The following OPRM1 variants were observed in gnomAD, a reference collection of about 807,000 sequenced individuals.
OPRM1 encodes mu-type opioid receptor.
Under a neutral mutation model 31.8 loss-of-function variants are expected in OPRM1, and 27 were observed. The observed-to-expected ratio is 0.85, with a 90% confidence interval of 0.63 to 1.17. The LOEUF (loss-of-function observed/expected upper bound fraction) is 1.17. OPRM1 is among the 50% of genes most tolerant of loss of function. OPRM1 has a pLI of 0.00. For missense variants in OPRM1, 536 were observed against 511.1 expected (o/e 1.05, Z -0.47); for synonymous variants, 196 against 189.9 (o/e 1.03, Z -0.26).
rs200371383 is a variant in OPRM1, at chr6:154,118,889, A to G, written c.*168A>G. ...CCACTCTGCTCTGCACATTAGAGGG[A>G]CAGCCAAAAGTAAGTGGAGCATTTG... On this transcript the variant is annotated 3_prime_UTR_variant, in exon 4 of 4. Transcript: ENST00000330432. 1 of 1,439,750 alleles carries G rather than the reference A, an allele frequency of 6.9e-7. No homozygotes were observed. Among genetic ancestry groups the G allele is most frequent in the African/African-American group, 1.4e-5 (1 of 70,452 alleles). The allele number at this position is 1,439,750 out of a possible 1,614,324, so 89.2% of individuals were successfully genotyped here. A position where few individuals can be genotyped will look rare whatever the true frequency, so the allele number is the denominator to read the frequency against.
intron 1 of OPRM1, among the ~76,000 whole-genome samples, chr6:154,029,761 A>G (rs1306041966): frequency 1.3e-5 from 2 of 152,176 alleles, no homozygotes; most frequent in African/African-American, 4.8e-5. Flanking sequence ...AGTTACCTCC[A>G]TGCTGTTCTC....
chr6:154,056,151 G>A (rs1419846778), intron 1 of OPRM1, among the ~76,000 whole-genome samples: 1 of 151,634 alleles, frequency 6.6e-6, no homozygotes, highest in Non-Finnish European at 1.5e-5. Flanking sequence ...TTGAGACGGA[G>A]TCTTGCTCTG....
At chr6:154,221,365 G>T (rs1424883207) in intron 3 of OPRM1, 10 of 1,535,966 alleles carry the variant, frequency 6.5e-6, no homozygotes, top group Non-Finnish European at 8.1e-6. Context: ...TAAAAAATTA[G>T]TGTTTATAGT....
At chr6:154,234,379 C>T (rs780798800) in intron 3 of OPRM1, among the ~76,000 whole-genome samples, 2 of 152,198 alleles carry the variant, frequency 1.3e-5, no homozygotes, top group African/African-American at 4.8e-5. Context: ...CCCTCTCTCA[C>T]TTCCCTATTG....
At chr6:154,148,320 A>T (rs1355645279) in intron 3 of OPRM1, among the ~76,000 whole-genome samples, 2 of 152,342 alleles carry the variant, frequency 1.3e-5, no homozygotes, top group Non-Finnish European at 2.9e-5. Context: ...CAAGCTAATC[A>T]AGTTGCCAAC....
intron 1 of OPRM1, among the ~76,000 whole-genome samples, chr6:154,070,255 A>C (rs1169383043): frequency 6.6e-6 from 1 of 152,244 alleles, no homozygotes; most frequent in Non-Finnish European, 1.5e-5. Flanking sequence ...ACTGTTAGCC[A>C]GGTAAGAGCA....
intron 1 of OPRM1, among the ~76,000 whole-genome samples, chr6:154,054,360 T>A (rs1371114583): frequency 8.8e-6 from 1 of 113,244 alleles, no homozygotes. Context: ...AGAGCGAGAC[T>A]CCGTCTCAAA....
chr6:154,226,605 T>G (rs1235469603), intron 3 of OPRM1, among the ~76,000 whole-genome samples: 1 of 152,214 alleles, frequency 6.6e-6, no homozygotes, highest in East Asian at 1.9e-4. Flanking sequence ...AATGTTTTGT[T>G]GAATTACCGC....
intron 1 of OPRM1, among the ~76,000 whole-genome samples, chr6:154,056,841 T>C (rs1783410244): frequency 6.6e-6 from 1 of 152,114 alleles, no homozygotes; most frequent in South Asian, 2.1e-4. Flanking sequence ...CAAGGGAAAT[T>C]ATTATCAACA....
At chr6:154,214,252 A>G (rs138706521) in intron 3 of OPRM1, 7 of 1,611,218 alleles carry the variant, frequency 4.3e-6, no homozygotes. Context: ...GATGGATTAC[A>G]GCCGATCCAA....
At chr6:154,236,186 C>T (rs757377313) in intron 3 of OPRM1, among the ~76,000 whole-genome samples, 11 of 152,138 alleles carry the variant, frequency 7.2e-5, no homozygotes, top group Non-Finnish European at 1.3e-4. Flanking sequence ...AAATGTGGTA[C>T]ACACATCAAG....
At chr6:154,188,755 T>C (rs1382197199) in intron 3 of OPRM1, among the ~76,000 whole-genome samples, 1 of 152,238 alleles carries the variant, frequency 6.6e-6, no homozygotes, top group African/African-American at 2.4e-5. Context: ...CTCATGTGGA[T>C]GTTTGGGAGA....
Position 154,127,597 on chromosome 6 carries a change from T to C in OPRM1, c.*8876T>C, listed in dbSNP as rs1797666115. Reference sequence around the variant, plus strand: ...TACCTGTGCTCATGACTTGACATTGTGGTGGGCCGGCTACAACCCTCCCCA... The same window carrying C: ...TACCTGTGCTCATGACTTGACATTGCGGTGGGCCGGCTACAACCCTCCCCA... On this transcript the variant is annotated 3_prime_UTR_variant, in exon 4 of 4. Coordinates refer to ENST00000330432, the MANE Select transcript of OPRM1 (RefSeq NM_000914.5). Among the ~76,000 whole-genome samples the C allele has an allele frequency of 1.3e-5, 2 of 152,228 alleles. No individual in the cohort carries two copies. The highest frequency in any genetic ancestry group is 4.8e-5 in the African/African-American group (2 of 41,462).
chr6:154,130,372 G>T lies in OPRM1; in HGVS notation c.*11651G>T, dbSNP rs917846627. Among the ~76,000 whole-genome samples the T allele has an allele frequency of 1.3e-5, 2 of 151,930 alleles. No individual in the cohort carries two copies. Among genetic ancestry groups the T allele is most frequent in the Admixed American group, 6.6e-5 (1 of 15,240 alleles). On this transcript the variant is annotated 3_prime_UTR_variant, in exon 4 of 4. Transcript: ENST00000330432. The stretch of plus-strand genomic sequence containing the variant: ...TTTAGTAGAGATGGGGTTTCACCAC[G>T]TTAGCCAGGATGGTTTCGATCTCCT...
At chr6:154,204,266 G>A (rs1404198583) in intron 3 of OPRM1, among the ~76,000 whole-genome samples, 1 of 152,026 alleles carries the variant, frequency 6.6e-6, no homozygotes, top group Non-Finnish European at 1.5e-5. Flanking sequence ...AGTTTGACAT[G>A]GTGAAAAAAT....
chr6:154,147,589 A>G (rs1463942697), intron 3 of OPRM1, among the ~76,000 whole-genome samples: 3 of 152,152 alleles, frequency 2.0e-5, no homozygotes, highest in African/African-American at 4.8e-5. Flanking sequence ...ACCCTAATAG[A>G]TCATGTGAAT....
chr6:154,210,731 A>G lies in OPRM1; in HGVS notation c.1165-35962A>G, dbSNP rs1275705640. 2.6e-5 allele frequency among the ~76,000 whole-genome samples: 4 copies of G among 152,246 alleles called. No homozygotes were observed. In the East Asian group the frequency reaches 7.7e-4, roughly 29 times the overall value. ...GAATATAGTAAGAAAGAATAATATTATAAATGTAGTTCAAAAATTGTTCTA... is the reference window on the plus strand; with the variant it reads ...GAATATAGTAAGAAAGAATAATATTGTAAATGTAGTTCAAAAATTGTTCTA... On this transcript the variant is annotated intron_variant, in intron 3 of 3. Coordinates refer to the OPRM1 transcript ENST00000337049.
chr6:154,085,358 A>T (rs1306874007), intron 1 of OPRM1, among the ~76,000 whole-genome samples: 1 of 152,252 alleles, frequency 6.6e-6, no homozygotes, highest in African/African-American at 2.4e-5. Flanking sequence ...TGGGTCAAAC[A>T]TCGATGGTTC....
exon 1 of OPRM1, chr6:154,010,820 G>A: frequency 7.2e-7 from 1 of 1,385,798 alleles, no homozygotes; most frequent in African/African-American, 1.5e-5. Context: ...TGATAGAAAA[G>A]GGCTCCTGCT....
Sources: allele counts gnomAD v4.1 joint callset (sites outside exome capture counted in the v4.1 genomes callset), GRCh38; gene constraint gnomAD v4.1.1; transcripts MANE v1.5; gene names NCBI Gene and HGNC (gene_info 2026-07-23, HGNC 2026-07-21).